DISC1: variants seen among roughly 807,000 people sequenced by gnomAD.
DISC1 encodes the protein DISC1 scaffold protein, also known as disrupted in schizophrenia 1 protein.
A neutral mutation model predicts 84.5 loss-of-function variants in DISC1; 57 were observed. The ratio of observed to expected loss-of-function variants is 0.67; its 90% CI spans 0.55 to 0.84. The LOEUF (loss-of-function observed/expected upper bound fraction) is 0.84. Ranked by LOEUF, DISC1 falls within the 40% of genes least tolerant of loss-of-function variation. The pLI, the probability that DISC1 is intolerant of heterozygous loss-of-function variation, is 0.00. For missense variants in DISC1, 1,000 were observed against 1,057.8 expected, an observed-to-expected ratio of 0.95 and a Z score of 0.76; for synonymous variants, 411 against 415.2, an observed-to-expected ratio of 0.99 and a Z score of 0.12.
At chr1:231,641,025 T>C (rs1043709972) in intron 1 of DISC1, among the ~76,000 whole-genome samples, 6 of 152,230 alleles carry the variant, frequency 3.9e-5, no homozygotes, top group African/African-American at 9.6e-5. Flanking sequence ...ACCCTGCTGG[T>C]CTTACAAGAT....
At chr1:231,972,764 G>A (rs1321915787) in intron 10 of DISC1, among the ~76,000 whole-genome samples, 1 of 152,184 alleles carries the variant, frequency 6.6e-6, no homozygotes, top group Non-Finnish European at 1.5e-5. Flanking sequence ...TGATGTCTTA[G>A]CCTGTTGCTA....
In DISC1 at chr1:232,036,775, G is replaced by A. The variant is rs954454362; in HGVS notation, c.2509G>A (p.Glu837Lys). 3 of 1,599,878 alleles carry A rather than the reference G, an allele frequency of 1.9e-6. No homozygotes were observed. The African/African-American group carries it at 4.0e-5, about 21-fold the overall frequency. The change falls in exon 13 of 13, where the codon GAA (glutamate) becomes AAA (lysine). Residue 837 changes from glutamate to lysine, a missense_variant. Glu to Lys is a moderately conservative substitution (Grantham distance 56). Around this residue, in one of 3 missense-constraint regions of DISC1, gnomAD observed 397 missense variants for 377.5 expected, o/e 1.05. Coordinates refer to ENST00000439617, the MANE Select transcript of DISC1 (RefSeq NM_018662.3). ...GCTCCAGCCAGCAAAGGAGGCGGGA[G>A]AAAGAGAAGCTGCAGCTTCCTGCAT... ...LQLQPAKEAG[E>K]REAAASCMTA...
chr1:231,856,504 G>T (rs2084281789), intron 9 of DISC1, among the ~76,000 whole-genome samples: 1 of 152,164 alleles, frequency 6.6e-6, no homozygotes, highest in Non-Finnish European at 1.5e-5. Context: ...CTGCAGCCCC[G>T]TTAGTTCCCA....
Position 232,026,506 on chromosome 1 carries a change from A to T in DISC1, c.2379A>T (p.Glu793Asp), listed in dbSNP as rs1669478356. The change falls in exon 12 of 13, where the codon GAA becomes GAT. Residue 793 changes from glutamate to aspartate, a missense_variant. Physicochemically the swap from Glu to Asp is conservative, Grantham distance 45 (BLOSUM62 2). This residue lies in a region of DISC1 where 397 missense variants were observed against 377.5 expected (regional missense o/e 1.05). Transcript: ENST00000439617. The part of the protein sequence containing the change: ...EDIGKKLLYL[E>D]DQLHTAIHSH... ...TAGGCAAGAAGCTATTGTACTTGGA[A>T]GATCAACTTCACACAGCAATCCACA... is the stretch of plus-strand genomic sequence containing the variant. 6.2e-7 allele frequency: 1 copy of T among 1,608,182 alleles called. No homozygotes were observed. Among genetic ancestry groups the T allele is most frequent in the African/African-American group, 1.3e-5 (1 of 74,868 alleles).
chr1:231,924,091 G>A (rs1300617209), intron 9 of DISC1, among the ~76,000 whole-genome samples: 3 of 151,982 alleles, frequency 2.0e-5, no homozygotes, highest in African/African-American at 7.2e-5. Flanking sequence ...AGTAATGATT[G>A]AATCACAGAA....
At chr1:231,638,793 C>T (rs1024955709) in intron 1 of DISC1, among the ~76,000 whole-genome samples, 4 of 152,092 alleles carry the variant, frequency 2.6e-5, no homozygotes, top group Admixed American at 2.6e-4. Context: ...TTTTAAAAGA[C>T]AACATCCAAA....
At chr1:231,861,466 T>G (rs2084644218) in intron 9 of DISC1, among the ~76,000 whole-genome samples, 2 of 150,154 alleles carry the variant, frequency 1.3e-5, no homozygotes, top group Admixed American at 1.3e-4. Context: ...TTTTTTTTTT[T>G]TTTTTTTTTT....
chr1:231,859,796 G>A (rs2084521053), intron 9 of DISC1, among the ~76,000 whole-genome samples: 2 of 152,188 alleles, frequency 1.3e-5, no homozygotes, highest in Admixed American at 1.3e-4. Flanking sequence ...GAGCATGAGT[G>A]CCAGAGAGTA....
chr1:231,959,406 G>A (rs1265598905), intron 10 of DISC1: 2 of 985,682 alleles, frequency 2.0e-6, no homozygotes, highest in African/African-American at 3.5e-5. Context: ...ATGACAAGAT[G>A]TTTCTGGCTT....
intron 1 of DISC1, among the ~76,000 whole-genome samples, chr1:231,645,313 A>G (rs1365035422): frequency 1.3e-5 from 2 of 152,224 alleles, no homozygotes; most frequent in East Asian, 1.9e-4. Context: ...AAGCCTGGCC[A>G]TAGCTCCCAC....
chr1:231,929,343 C>A (rs200229892), intron 9 of DISC1, among the ~76,000 whole-genome samples: 21 of 152,304 alleles, frequency 1.4e-4, no homozygotes, highest in Middle Eastern at 3.4e-3. Flanking sequence ...TCACCTCCCC[C>A]ACTCCTGACA....
chr1:231,694,272 C>G lies in DISC1; in HGVS notation c.514C>G (p.Arg172Gly), dbSNP rs776311202. 1.9e-6 allele frequency: 3 copies of G among 1,614,128 alleles called. No individual in the cohort carries two copies. The highest frequency in any genetic ancestry group is 1.3e-5 in the African/African-American group (1 of 74,948). The change falls in exon 2 of 13, where the codon CGG (arginine) becomes GGG (glycine). Residue 172 changes from arginine (R) to glycine (G), a missense_variant. By Grantham distance (125) the Arg-to-Gly change is moderately radical. Transcript: ENST00000439617. ...CTGCAGCGATGGAGCAAGGCGTGTC[C>G]GGGCAGCAGGCTCTCTGCCATCAGC... ...AACSDGARRV[R>G]AAGSLPSAEL... is the part of the protein sequence containing the mutation.
At chr1:231,995,493 T>C (rs1665813957) in intron 10 of DISC1, among the ~76,000 whole-genome samples, 1 of 150,204 alleles carries the variant, frequency 6.7e-6, no homozygotes, top group African/African-American at 2.4e-5. Context: ...CTCCCCCCTA[T>C]CCCCACCCCA....
chr1:231,715,030 G>A (rs751756365), intron 3 of DISC1, among the ~76,000 whole-genome samples: 1 of 152,110 alleles, frequency 6.6e-6, no homozygotes, highest in South Asian at 2.1e-4. Context: ...AACAACACAC[G>A]ACTAGAGAAG....
chr1:231,838,792 C>G (rs552975666), intron 9 of DISC1, among the ~76,000 whole-genome samples: 1 of 152,328 alleles, frequency 6.6e-6, no homozygotes, highest in African/African-American at 2.4e-5. Flanking sequence ...TTTAAAACAC[C>G]TGTGCGGCAG....
At chr1:232,005,911 A>C (rs760877978) in intron 10 of DISC1, among the ~76,000 whole-genome samples, 1 of 129,662 alleles carries the variant, frequency 7.7e-6, no homozygotes, top group Non-Finnish European at 1.6e-5. Context: ...GAAAATATAT[A>C]TTTTCATTGA....
intron 9 of DISC1, chr1:231,818,815 G>C (rs367654954): frequency 2.5e-6 from 3 of 1,189,272 alleles, no homozygotes; most frequent in Non-Finnish European, 2.1e-6. Context: ...GCAAGGTCTT[G>C]AGCATTTTCT....
rs186844811 is a variant in DISC1 at position 231,725,340 on chromosome 1, C to T, written c.1117+23316C>T. 1.9e-3 allele frequency among the ~76,000 whole-genome samples: 283 copies of T among 152,288 alleles called. 2 individuals are homozygous for T. Among genetic ancestry groups the T allele is most frequent in the African/African-American group, 6.7e-3 (277 of 41,552 alleles). On this transcript the variant is annotated intron_variant, in intron 3 of 12. Coordinates refer to ENST00000439617, the MANE Select transcript of DISC1 (RefSeq NM_018662.3). ...AGACAGGGTCAAGTGAAGAAACTGA[C>T]GCAAACCAGCAGATGGCGACAAAAG... is the stretch of plus-strand genomic sequence containing the variant.
At chr1:231,713,070 C>G (rs971704193) in intron 3 of DISC1, among the ~76,000 whole-genome samples, 3 of 152,210 alleles carry the variant, frequency 2.0e-5, no homozygotes, top group Middle Eastern at 3.4e-3. Flanking sequence ...TAGGAGTTCC[C>G]CAGCACAGAG....
Sources: gnomAD v4.1 joint callset for allele counts (sites outside exome capture counted in the v4.1 genomes callset) on GRCh38, gnomAD v4.1.1 for gene constraint, gnomAD v4.1.1 regional missense constraint, MANE v1.5 for transcripts, NCBI Gene and HGNC (gene_info 2026-07-23, HGNC 2026-07-21) for gene names.